Variants in DNAAF19 observed in about 807,000 individuals in gnomAD.
DNAAF19 encodes dynein axonemal assembly factor 19.
At chr17:44,901,412 T>G in the DNAAF19 span, 1 of 1,290,036 alleles carries the variant, frequency 7.8e-7, no homozygotes, top group Non-Finnish European at 1.1e-6. Flanking sequence ...ATTATTATGG[T>G]CATATTGGTC....
the DNAAF19 span, among the ~76,000 whole-genome samples, chr17:44,901,945 G>C: frequency 1.3e-5 from 2 of 152,126 alleles, no homozygotes; most frequent in Non-Finnish European, 1.5e-5. Context: ...GGGATGCTCT[G>C]CCTCTGGGTT....
At chr17:44,902,819 G>A in the DNAAF19 span, 1 of 1,538,410 alleles carries the variant, frequency 6.5e-7, no homozygotes, top group South Asian at 1.2e-5. Context: ...GTTGACTGAT[G>A]CGGCAAGCTA....
At chr17:44,900,981 C>T in the DNAAF19 span, 3 of 1,591,130 alleles carry the variant, frequency 1.9e-6, no homozygotes, top group Non-Finnish European at 2.6e-6. Context: ...ATTCCCTTTG[C>T]CTTCCCAGGC....
At chr17:44,903,856 C>T in the DNAAF19 span, 1 of 1,539,334 alleles carries the variant, frequency 6.5e-7, no homozygotes, top group Non-Finnish European at 8.8e-7. Context: ...CCACTGTGCT[C>T]CTGTGGGCAT....
chr17:44,904,330 T>C, the DNAAF19 span: 4 of 1,543,210 alleles, frequency 2.6e-6, no homozygotes, highest in Non-Finnish European at 3.5e-6. Context: ...GGCACCTCCA[T>C]GTCTTCACCA....
At chr17:44,904,877 G>C in the DNAAF19 span, 1 of 1,550,666 alleles carries the variant, frequency 6.4e-7, no homozygotes, top group Non-Finnish European at 8.7e-7. Context: ...GAGGCAGGGT[G>C]TGCTAGTTGC....
chr17:44,905,106 CAAT>C, the DNAAF19 span: 2 of 1,462,552 alleles, frequency 1.4e-6, no homozygotes, highest in Non-Finnish European at 1.8e-6. Flanking sequence ...AGTTGTCCTT[CAAT>C]GTGTTTGTTA....
At chr17:44,904,093 G>A in the DNAAF19 span, 7 of 1,550,628 alleles carry the variant, frequency 4.5e-6, no homozygotes, top group African/African-American at 1.4e-5. Context: ...GGGTGCTGAC[G>A]GAGGCAGCCC....
At chr17:44,903,466 G>A in the DNAAF19 span, 2 of 1,267,362 alleles carry the variant, frequency 1.6e-6, no homozygotes, top group Admixed American at 3.7e-5. Context: ...GCAGGGCCTG[G>A]AGCACTGAGG....
the DNAAF19 span, chr17:44,901,608 A>G: frequency 4.3e-6 from 7 of 1,614,006 alleles, no homozygotes; most frequent in Non-Finnish European, 5.1e-6. Flanking sequence ...CTGTCACACT[A>G]TTCAGGGAAG....
At chr17:44,903,809 T>C in the DNAAF19 span, 1 of 1,542,204 alleles carries the variant, frequency 6.5e-7, no homozygotes, top group Non-Finnish European at 8.8e-7. Context: ...CCTGCCCCTC[T>C]GACCCCTGCC....
At chr17:44,901,557 C>T in the DNAAF19 span, 43 of 1,613,904 alleles carry the variant, frequency 2.7e-5, no homozygotes, top group Non-Finnish European at 3.1e-5. Flanking sequence ...GCCACTGGAG[C>T]GGAAGGATAA....
the DNAAF19 span, chr17:44,904,306 A>C: frequency 1.6e-5 from 25 of 1,547,090 alleles, no homozygotes; most frequent in Non-Finnish European, 2.2e-5. Flanking sequence ...AGCCCTTTGC[A>C]GATGAATACT....
the DNAAF19 span, chr17:44,902,674 C>T: frequency 6.2e-7 from 1 of 1,614,152 alleles, no homozygotes; most frequent in Non-Finnish European, 8.5e-7. Context: ...GGGCTTGTTT[C>T]AGAAGCTGCA....
chr17:44,903,655 T>C, the DNAAF19 span: 22 of 1,433,454 alleles, frequency 1.5e-5, no homozygotes, highest in Non-Finnish European at 2.0e-5. Context: ...GTACATCCAC[T>C]GGGAATAAAT....
the DNAAF19 span, chr17:44,905,260 G>T: frequency 1.7e-6 from 1 of 597,290 alleles, no homozygotes; most frequent in Non-Finnish European, 3.0e-6. Context: ...CCTGAGGCTG[G>T]TGGGAGATTG....
the DNAAF19 span, chr17:44,901,024 T>G: frequency 6.2e-7 from 1 of 1,603,950 alleles, no homozygotes; most frequent in Non-Finnish European, 8.5e-7. Flanking sequence ...ATCATCAACT[T>G]CAAGGCTTTG....
the DNAAF19 span, chr17:44,903,184 T>C: frequency 2.4e-6 from 3 of 1,270,604 alleles, no homozygotes; most frequent in Non-Finnish European, 3.0e-6. Context: ...AAAATCTTTA[T>C]GGTAAACAAA....
chr17:44,901,522 G>A, the DNAAF19 span: 88 of 1,613,988 alleles, frequency 5.5e-5, no homozygotes, highest in African/African-American at 5.7e-4. Context: ...GCCTACAGGG[G>A]TATTGTCCTT....
Sources: allele counts gnomAD v4.1 joint callset (sites outside exome capture counted in the v4.1 genomes callset), GRCh38; gene constraint gnomAD v4.1.1; transcripts MANE v1.5; gene names NCBI Gene and HGNC (gene_info 2026-07-23, HGNC 2026-07-21).